The following CNTN5 variants were observed in gnomAD, a reference collection of about 807,000 sequenced individuals.
The protein encoded by CNTN5 is contactin 5, also known as contactin-5.
In CNTN5, 77 loss-of-function variants were observed where a neutral mutation model predicts 129.1. That is an observed-to-expected ratio of 0.60 (90% CI 0.50 to 0.72). The LOEUF (loss-of-function observed/expected upper bound fraction) is 0.72, where lower values mean the gene tolerates loss of function less well. Ranked by LOEUF, CNTN5 falls within the 30% of genes least tolerant of loss-of-function variation. The pLI, the probability that CNTN5 is intolerant of heterozygous loss-of-function variation, is 0.00. For synonymous variants in CNTN5, 509 were observed against 465.6 expected (o/e 1.09, Z -1.20); for missense variants, 1,478 against 1,328.8 (o/e 1.11, Z -1.75).
At chr11:99,527,918 A>G (rs1947550307) in intron 2 of CNTN5, among the ~76,000 whole-genome samples, 1 of 152,218 alleles carries the variant, frequency 6.6e-6, no homozygotes, top group Non-Finnish European at 1.5e-5. Context: ...CCCGCAGAGA[A>G]CAGTCAAACA....
chr11:100,073,298 C>T (rs1032467160), intron 12 of CNTN5, among the ~76,000 whole-genome samples: 3 of 152,102 alleles, frequency 2.0e-5, no homozygotes, highest in Non-Finnish European at 4.4e-5. Context: ...CTGCCCACCT[C>T]AGCCTCCCAA....
chr11:99,907,297 G>C (rs1418075902), intron 6 of CNTN5, among the ~76,000 whole-genome samples: 1 of 151,934 alleles, frequency 6.6e-6, no homozygotes, highest in Non-Finnish European at 1.5e-5. Flanking sequence ...TTTAACATTA[G>C]GCAGAGTATC....
intron 6 of CNTN5, among the ~76,000 whole-genome samples, chr11:99,873,507 C>G (rs139824161): frequency 1.3e-5 from 2 of 152,130 alleles, no homozygotes; most frequent in South Asian, 2.1e-4. Flanking sequence ...TAAAACCACA[C>G]TGTGATATCA....
intron 3 of CNTN5, among the ~76,000 whole-genome samples, chr11:99,730,493 T>TC (rs1295533813): frequency 1.3e-5 from 2 of 152,226 alleles, no homozygotes; most frequent in African/African-American, 2.4e-5. Flanking sequence ...CTGCCGGTTA[T>TC]CTACTATTAG....
At chr11:100,310,574 G>A (rs971976750) in intron 21 of CNTN5, among the ~76,000 whole-genome samples, 12 of 151,902 alleles carry the variant, frequency 7.9e-5, no homozygotes, top group African/African-American at 2.7e-4. Flanking sequence ...TCTGAAGCTT[G>A]TATTGTAGTA....
chr11:99,575,636 A>T (rs1949321046), intron 3 of CNTN5, among the ~76,000 whole-genome samples: 1 of 152,170 alleles, frequency 6.6e-6, no homozygotes, highest in Non-Finnish European at 1.5e-5. Flanking sequence ...GAGCAAAATA[A>T]AATTAAAAGG....
At chr11:99,081,955 A>G (rs1865817977) in intron 1 of CNTN5, among the ~76,000 whole-genome samples, 1 of 152,186 alleles carries the variant, frequency 6.6e-6, no homozygotes, top group South Asian at 2.1e-4. Flanking sequence ...TAGATAATAT[A>G]ACATACAAAA....
intron 10 of CNTN5, among the ~76,000 whole-genome samples, chr11:100,064,946 CATT>C (rs1431417420): frequency 6.6e-6 from 1 of 152,060 alleles, no homozygotes; most frequent in Non-Finnish European, 1.5e-5. Flanking sequence ...ACAAAAATCT[CATT>C]ATATAAAGAT....
chr11:99,357,180 C>T (rs1401711233), intron 2 of CNTN5, among the ~76,000 whole-genome samples: 1 of 151,822 alleles, frequency 6.6e-6, no homozygotes, highest in African/African-American at 2.4e-5. Flanking sequence ...TTTGAACTCA[C>T]AGATATGCGC....
At chr11:99,850,187 T>C (rs978071476) in intron 6 of CNTN5, among the ~76,000 whole-genome samples, 3 of 152,268 alleles carry the variant, frequency 2.0e-5, no homozygotes, top group South Asian at 2.1e-4. Context: ...GTAATTTTGA[T>C]GTGTAATCAC....
intron 13 of CNTN5, among the ~76,000 whole-genome samples, chr11:100,181,490 C>G (rs1948137782): frequency 2.6e-5 from 4 of 151,778 alleles, no homozygotes. Flanking sequence ...TAGAAATGTC[C>G]AATATTTTTA....
At chr11:99,329,614 G>A (rs1865921441) in intron 2 of CNTN5, among the ~76,000 whole-genome samples, 1 of 152,106 alleles carries the variant, frequency 6.6e-6, no homozygotes, top group Non-Finnish European at 1.5e-5. Context: ...AGTATACAGA[G>A]TGAATCCCAG....
intron 1 of CNTN5, among the ~76,000 whole-genome samples, chr11:99,317,989 G>C (rs1475633932): frequency 2.0e-5 from 3 of 151,920 alleles, no homozygotes; most frequent in South Asian, 2.1e-4. Context: ...GATTCTGGGT[G>C]GTGTGGTCCT....
rs574744912 is a variant in CNTN5 at position 99,903,736 on chromosome 11, A to AT, written c.578-12311dup. Among the ~76,000 whole-genome samples the AT allele has an allele frequency of 6.1e-3, 926 of 152,264 alleles. 7 individuals are homozygous for AT. The highest frequency in any genetic ancestry group is 0.011 in the Non-Finnish European group (743 of 68,006). On this transcript the variant is annotated intron_variant, in intron 6 of 24. Transcript: ENST00000524871. ...TAGTTTCCAAGAAACTCTAAATATA[A>AT]TTTTTTTAGAGAGAATATTTTCAAA...
intron 1 of CNTN5, among the ~76,000 whole-genome samples, chr11:99,157,104 G>A (rs764698782): frequency 2.7e-4 from 41 of 151,892 alleles, no homozygotes; most frequent in Non-Finnish European, 1.2e-4. Flanking sequence ...ATGATAAGTA[G>A]CAATTGCTAT....
chr11:99,879,559 A>C (rs563018469), intron 6 of CNTN5, among the ~76,000 whole-genome samples: 1 of 152,296 alleles, frequency 6.6e-6, no homozygotes, highest in South Asian at 2.1e-4. Context: ...ACTTCTGTCT[A>C]CATCATACCT....
At chr11:100,019,617 G>T (rs182691750) in intron 9 of CNTN5, among the ~76,000 whole-genome samples, 1 of 151,816 alleles carries the variant, frequency 6.6e-6, no homozygotes, top group Non-Finnish European at 1.5e-5. Context: ...AGCTGATTGC[G>T]TATCTTGGCT....
chr11:100,158,376 G>C (rs1179860494), intron 13 of CNTN5, among the ~76,000 whole-genome samples: 1 of 151,794 alleles, frequency 6.6e-6, no homozygotes, highest in Non-Finnish European at 1.5e-5. Context: ...TACTAACACA[G>C]TATTTGCGCT....
intron 3 of CNTN5, among the ~76,000 whole-genome samples, chr11:99,727,312 CAAAAAA>C (rs397936738): frequency 7.8e-4 from 19 of 24,306 alleles, no homozygotes; most frequent in East Asian, 3.7e-3. Flanking sequence ...GACTCCGTCT[CAAAAAA>C]AAAAAAAAAA....
Sources: allele counts gnomAD v4.1 joint callset (sites outside exome capture counted in the v4.1 genomes callset), GRCh38; gene constraint gnomAD v4.1.1; transcripts MANE v1.5; gene names NCBI Gene and HGNC (gene_info 2026-07-23, HGNC 2026-07-21).